Variants in CNTN5 observed in about 807,000 individuals in gnomAD.
The protein encoded by CNTN5 is contactin 5.
CNTN5 carries 77 observed loss-of-function variants against 129.1 expected under a neutral mutation model. The observed-to-expected ratio is 0.60, with a 90% CI of 0.50 to 0.72. The LOEUF is 0.72. Among genes scored for constraint, CNTN5 ranks in the 30% least tolerant of loss-of-function variants. The probability of loss-of-function intolerance (pLI) is 0.00; values close to 1 mark genes in which losing one functional copy is unlikely to be tolerated. For missense variants in CNTN5, 1,478 were observed against 1,328.8 expected, an observed-to-expected ratio of 1.11 and a Z score of -1.75; for synonymous variants, 509 against 465.6, an observed-to-expected ratio of 1.09 and a Z score of -1.20.
intron 8 of CNTN5, among the ~76,000 whole-genome samples, chr11:99,997,992 A>T (rs2137450144): frequency 6.6e-6 from 1 of 152,324 alleles, no homozygotes; most frequent in Middle Eastern, 3.4e-3. Context: ...TTAGGGATTG[A>T]TGGGACGTAT....
chr11:99,969,771 A>C (rs1951199137), intron 8 of CNTN5, among the ~76,000 whole-genome samples: 3 of 152,052 alleles, frequency 2.0e-5, no homozygotes, highest in Non-Finnish European at 4.4e-5. Context: ...CAGTCATTCC[A>C]TGTACTTATC....
chr11:99,042,954 C>T (rs1864064267), intron 1 of CNTN5, among the ~76,000 whole-genome samples: 4 of 148,570 alleles, frequency 2.7e-5, no homozygotes, highest in Admixed American at 2.6e-4. Context: ...AGATCTATAG[C>T]TCTCTTTGTT....
chr11:99,229,940 A>G (rs1048776416), intron 1 of CNTN5, among the ~76,000 whole-genome samples: 2 of 151,906 alleles, frequency 1.3e-5, no homozygotes, highest in African/African-American at 4.8e-5. Flanking sequence ...ACATTAATGG[A>G]AAAATAAGAA....
At chr11:99,078,166 T>A (rs1422136776) in intron 1 of CNTN5, among the ~76,000 whole-genome samples, 1 of 152,190 alleles carries the variant, frequency 6.6e-6, no homozygotes, top group East Asian at 1.9e-4. Flanking sequence ...ATATTAGTAA[T>A]TTGATACCTA....
Position 99,202,573 on chromosome 11 carries a change from A to G in CNTN5, c.-209-122773A>G, listed in dbSNP as rs372093326. ...TAGTAATGTAACAAACAGACCTAAG[A>G]AATAACAAATTAGTGTCATTAATTT... is the stretch of plus-strand genomic sequence containing the variant. On this transcript the variant is annotated intron_variant, in intron 1 of 24. Coordinates refer to ENST00000524871, the MANE Select transcript of CNTN5 (RefSeq NM_014361.4). Among the ~76,000 whole-genome samples, 57 of 152,262 alleles carry G rather than the reference A, an allele frequency of 3.7e-4. 2 individuals are homozygous for G. In the South Asian group the frequency reaches 0.011, roughly 29 times the overall value.
At chr11:99,233,952 A>ATAAC (rs1185668762) in intron 1 of CNTN5, among the ~76,000 whole-genome samples, 3 of 151,802 alleles carry the variant, frequency 2.0e-5, no homozygotes, top group Admixed American at 6.6e-5. Context: ...TCTCAAATAA[A>ATAAC]TAAATAAATA....
At chr11:100,290,915 A>G (rs1416085264) in intron 18 of CNTN5, among the ~76,000 whole-genome samples, 1 of 151,890 alleles carries the variant, frequency 6.6e-6, no homozygotes, top group African/African-American at 2.4e-5. Flanking sequence ...TTACAAGAAA[A>G]AAACAAACAA....
chr11:99,144,705 G>A (rs562412181), intron 1 of CNTN5, among the ~76,000 whole-genome samples: 25 of 151,638 alleles, frequency 1.6e-4, no homozygotes, highest in African/African-American at 6.1e-4. Context: ...ATACTTTATT[G>A]TTGAAGCTTA....
chr11:99,978,081 A>G (rs1313856361), intron 8 of CNTN5, among the ~76,000 whole-genome samples: 1 of 152,222 alleles, frequency 6.6e-6, no homozygotes, highest in Non-Finnish European at 1.5e-5. Flanking sequence ...AGTGACTTTC[A>G]GTGTAACCTG....
chr11:100,242,380 T>C (rs1253500903), intron 16 of CNTN5, among the ~76,000 whole-genome samples: 2 of 152,222 alleles, frequency 1.3e-5, no homozygotes, highest in African/African-American at 4.8e-5. Flanking sequence ...CACTTGTTTA[T>C]TGACTTTCTT....
At chr11:100,030,204 A>G (rs1348103224) in intron 9 of CNTN5, among the ~76,000 whole-genome samples, 1 of 94,158 alleles carries the variant, frequency 1.1e-5, no homozygotes, top group Admixed American at 1.1e-4. Context: ...GAAAGACCCC[A>G]TCTCTAAAAA....
At chr11:99,886,712 AT>A (rs1948910373) in intron 6 of CNTN5, among the ~76,000 whole-genome samples, 1 of 152,224 alleles carries the variant, frequency 6.6e-6, no homozygotes, top group African/African-American at 2.4e-5. Context: ...AATACAGTAC[AT>A]TCAGAAAATG....
chr11:100,118,046 T>G (rs1473098263), intron 13 of CNTN5, among the ~76,000 whole-genome samples: 1 of 151,788 alleles, frequency 6.6e-6, no homozygotes, highest in Non-Finnish European at 1.5e-5. Context: ...TTTTTTCCCT[T>G]CCATGTAATG....
intron 3 of CNTN5, among the ~76,000 whole-genome samples, chr11:99,707,638 G>A (rs1013767605): frequency 6.6e-6 from 1 of 151,564 alleles, no homozygotes; most frequent in African/African-American, 2.4e-5. Flanking sequence ...ATTTACATTT[G>A]GCTTTGTTGT....
intron 9 of CNTN5, among the ~76,000 whole-genome samples, chr11:100,035,008 A>T (rs1314118181): frequency 6.6e-6 from 1 of 152,068 alleles, no homozygotes; most frequent in African/African-American, 2.4e-5. Context: ...TTTAGGGTAC[A>T]TGTGCGCAAC....
At chr11:99,460,963 G>A (rs973121281) in intron 2 of CNTN5, among the ~76,000 whole-genome samples, 1 of 151,908 alleles carries the variant, frequency 6.6e-6, no homozygotes, top group African/African-American at 2.4e-5. Flanking sequence ...TATTTGTAAA[G>A]GCCAAAAATT....
intron 13 of CNTN5, among the ~76,000 whole-genome samples, chr11:100,169,701 T>C (rs950629101): frequency 1.3e-5 from 2 of 152,090 alleles, no homozygotes; most frequent in Admixed American, 6.6e-5. Context: ...ATTAAGATAC[T>C]GATTTTATTG....
chr11:99,844,016 C>G (rs1274631239), intron 4 of CNTN5, among the ~76,000 whole-genome samples: 1 of 152,208 alleles, frequency 6.6e-6, no homozygotes, highest in Admixed American at 6.5e-5. Context: ...TGGTCTAAAA[C>G]TCAAGTCCAA....
At position 99,465,873 on chromosome 11, in the gene CNTN5, C is replaced by CTT. The variant is rs1491145705; in HGVS notation, c.-70-90272_-70-90271insTT. ...AGAGAGAAGGGGAAGGTGCCACACA[C>CTT]CTTTTTTTTTTTTTTTTTTTTCCTT... On this transcript the variant is annotated intron_variant, in intron 2 of 24. Coordinates refer to ENST00000524871, the MANE Select transcript of CNTN5 (RefSeq NM_014361.4). Among the ~76,000 whole-genome samples, 19 of 80,382 alleles carry CTT rather than the reference C, an allele frequency of 2.4e-4. No homozygotes were observed. In the South Asian group the frequency reaches 3.5e-3, roughly 15 times the overall value. 52.7% of individuals were successfully genotyped at this position (80,382 alleles called of 152,430 possible).
Sources: gnomAD v4.1 joint callset for allele counts (sites outside exome capture counted in the v4.1 genomes callset) on GRCh38, gnomAD v4.1.1 for gene constraint, MANE v1.5 for transcripts, NCBI Gene and HGNC (gene_info 2026-07-23, HGNC 2026-07-21) for gene names.